The following CDH23 variants were observed in gnomAD, a reference collection of about 807,000 sequenced individuals.
CDH23 encodes the protein cadherin related 23.
A neutral mutation model predicts 317.1 loss-of-function variants in CDH23; 189 were observed. The ratio of observed to expected loss-of-function variants is 0.60; its 90% CI spans 0.53 to 0.67. The LOEUF (loss-of-function observed/expected upper bound fraction) is 0.67, where lower values mean the gene tolerates loss of function less well. CDH23 is among the 30% of genes least tolerant of loss of function. CDH23 has a pLI of 0.00. For missense variants in CDH23, 4,401 were observed against 4,592.4 expected, an observed-to-expected ratio of 0.96 and a Z score of 1.20; for synonymous variants, 1,839 against 1,876.8, an observed-to-expected ratio of 0.98 and a Z score of 0.52.
At chr10:71,446,690 A>G (rs1589320067) in intron 3 of CDH23, among the ~76,000 whole-genome samples, 1 of 152,344 alleles carries the variant, frequency 6.6e-6, no homozygotes, top group East Asian at 1.9e-4. Context: ...TGAAGATGGC[A>G]GCTGTTGTAG....
intron 14 of CDH23, among the ~76,000 whole-genome samples, chr10:71,653,307 G>T (rs1192853910): frequency 2.6e-5 from 4 of 152,168 alleles, no homozygotes; most frequent in African/African-American, 9.7e-5. Flanking sequence ...TTGAAGGCAA[G>T]CTTCAATCCT....
intron 1 of CDH23, among the ~76,000 whole-genome samples, chr10:71,409,026 C>G (rs1345257536): frequency 6.6e-6 from 1 of 152,192 alleles, no homozygotes; most frequent in African/African-American, 2.4e-5. Flanking sequence ...GCCCCTTGGC[C>G]TGATCACAAG....
chr10:71,458,059 G>A (rs1292325405), intron 3 of CDH23, among the ~76,000 whole-genome samples: 1 of 152,194 alleles, frequency 6.6e-6, no homozygotes, highest in African/African-American at 2.4e-5. Context: ...TGGCAAAGGT[G>A]TAATTTACAA....
intron 38 of CDH23, among the ~76,000 whole-genome samples, chr10:71,752,423 G>A (rs946626864): frequency 4.6e-5 from 7 of 152,262 alleles, no homozygotes; most frequent in South Asian, 2.1e-4. Flanking sequence ...TGCAGGTACC[G>A]GGGCAGGAAC....
intron 36 of CDH23, among the ~76,000 whole-genome samples, chr10:71,740,083 T>C (rs1344375337): frequency 6.6e-6 from 1 of 152,130 alleles, no homozygotes; most frequent in Non-Finnish European, 1.5e-5. Flanking sequence ...CTTCTACAAA[T>C]ACAGTGTGGC....
At chr10:71,741,614 C>G in intron 37 of CDH23, 80 bp from the exon 38 acceptor site, 1 of 1,259,482 alleles carries the variant, frequency 7.9e-7, no homozygotes, top group South Asian at 1.3e-5. Flanking sequence ...CAGGGGGAGC[C>G]TTCGGGCTAC....
At chr10:71,611,579 G>C (rs1054140889) in intron 9 of CDH23, among the ~76,000 whole-genome samples, 5 of 152,168 alleles carry the variant, frequency 3.3e-5, no homozygotes, top group African/African-American at 1.2e-4. Flanking sequence ...TAAAGTGACA[G>C]CCTGGGGTGG....
rs1488044621 is a variant in CDH23 at position 71,778,157 on chromosome 10, A to T, written c.5068-32A>T. The stretch of plus-strand genomic sequence containing the variant: ...GGTGCTGCAGACCTACCACCCCTAG[A>T]TCCATCCTTGTCCCTTCCCTGTGTC... On this transcript the variant is annotated intron_variant, in intron 39 of 69. Coordinates refer to ENST00000224721, the MANE Select transcript of CDH23 (RefSeq NM_022124.6). 3.1e-6 allele frequency: 5 copies of T among 1,613,192 alleles called. No homozygotes were observed. In the Middle Eastern group the frequency reaches 5.0e-4, roughly 160 times the overall value.
At chr10:71,692,551 A>G (rs955098972) in intron 20 of CDH23, among the ~76,000 whole-genome samples, 3 of 152,190 alleles carry the variant, frequency 2.0e-5, no homozygotes, top group Admixed American at 2.0e-4. Flanking sequence ...ATTACTTGAC[A>G]CCACCCTGGC....
At chr10:71,481,864 C>T (rs1385770705) in intron 3 of CDH23, among the ~76,000 whole-genome samples, 2 of 152,154 alleles carry the variant, frequency 1.3e-5, no homozygotes, top group Non-Finnish European at 2.9e-5. Context: ...GGTCCTCTTG[C>T]CTACATGGGT....
rs923760590 is a variant in CDH23, at chr10:71,791,366, A to C, written c.6253+31A>C. Reference sequence around the variant, plus strand: ...CAGGGGACAGGCCCCAGCACCCCACAACCAGGGGCCGGTTGGTGGTCACAG... The same window carrying C: ...CAGGGGACAGGCCCCAGCACCCCACCACCAGGGGCCGGTTGGTGGTCACAG... On this transcript the variant is annotated intron_variant, in intron 47 of 69. Transcript: ENST00000224721. The C allele has an allele frequency of 2.5e-6, 4 of 1,584,662 alleles. No individual in the cohort carries two copies. In the African/African-American group the frequency reaches 5.4e-5, roughly 21 times the overall value.
intron 19 of CDH23, among the ~76,000 whole-genome samples, chr10:71,688,704 G>A (rs1237575216): frequency 6.5e-5 from 7 of 106,954 alleles, no homozygotes; most frequent in Admixed American, 2.7e-4. Context: ...GGTGGAGCCA[G>A]GGGTGGTGGA....
intron 6 of CDH23, among the ~76,000 whole-genome samples, chr10:71,527,781 T>C (rs1011387355): frequency 6.6e-6 from 1 of 152,214 alleles, no homozygotes; most frequent in Non-Finnish European, 1.5e-5. Flanking sequence ...ACAAACTTTA[T>C]AAGGCTTCTG....
At chr10:71,692,525 C>T (rs1367433632) in intron 20 of CDH23, among the ~76,000 whole-genome samples, 1 of 152,226 alleles carries the variant, frequency 6.6e-6, no homozygotes, top group African/African-American at 2.4e-5. Flanking sequence ...AGATTAATTT[C>T]TTCCTCGCCC....
chr10:71,567,191 C>T (rs1857459055), intron 7 of CDH23, among the ~76,000 whole-genome samples: 1 of 152,168 alleles, frequency 6.6e-6, no homozygotes, highest in African/African-American at 2.4e-5. Flanking sequence ...GTTAAGATGC[C>T]CACTTTGCAG....
At chr10:71,596,374 C>G (rs569602172) in intron 9 of CDH23, among the ~76,000 whole-genome samples, 3 of 152,280 alleles carry the variant, frequency 2.0e-5, no homozygotes, top group African/African-American at 7.2e-5. Flanking sequence ...AGCCAGGATT[C>G]GAACCCAGGT....
At chr10:71,623,009 G>A in intron 11 of CDH23, 1 of 951,850 alleles carries the variant, frequency 1.1e-6, no homozygotes, top group Non-Finnish European at 1.3e-6. Flanking sequence ...ATTAATTCAA[G>A]CAACAAGTGT....
rs1864300091 is a variant in CDH23, at chr10:71,675,017, G to A, written c.1450-95G>A. On this transcript the variant is annotated intron_variant, in intron 14 of 69. Transcript: ENST00000224721. ...CTGGGCCTCAGAAAATTCACCCTGG[G>A]CCAAAGGAGACGTGCGAGAGGAACA... The A allele has an allele frequency of 8.7e-6, 10 of 1,146,758 alleles. No homozygotes were observed. The South Asian group carries it at 1.3e-4, about 15-fold the overall frequency. The allele number at this position is 1,146,758 out of a possible 1,614,324, so 71.0% of individuals were successfully genotyped here. A position where few individuals can be genotyped will look rare whatever the true frequency, so the allele number is the denominator to read the frequency against.
chr10:71,511,971 GT>G (rs1301441083), intron 6 of CDH23: 1 of 152,590 alleles, frequency 6.6e-6, no homozygotes, highest in Non-Finnish European at 1.5e-5. Flanking sequence ...GGGCTGGGCG[GT>G]GGCAGTGAAG....
Sources: gnomAD v4.1 joint callset for allele counts (sites outside exome capture counted in the v4.1 genomes callset) on GRCh38, gnomAD v4.1.1 for gene constraint, MANE v1.5 for transcripts, NCBI Gene and HGNC (gene_info 2026-07-23, HGNC 2026-07-21) for gene names.